Variants in ZNF334 observed in about 807,000 individuals in gnomAD.
ZNF334 encodes the protein zinc finger protein 334.
Under a neutral mutation model 12.4 loss-of-function variants are expected in ZNF334, and 14 were observed. That is an observed-to-expected ratio of 1.13 (90% CI 0.74 to 1.76). ZNF334 has a LOEUF of 1.76. Among genes scored for constraint, ZNF334 ranks in the 40% most tolerant of loss-of-function variants. The probability of loss-of-function intolerance (pLI) is 0.00; values close to 1 mark genes in which losing one functional copy is unlikely to be tolerated. For missense variants in ZNF334, 797 were observed against 804.5 expected, an observed-to-expected ratio of 0.99 and a Z score of 0.11; for synonymous variants, 273 against 269.6, an observed-to-expected ratio of 1.01 and a Z score of -0.12.
At chr20:46,505,240 A>G (rs955473745) in intron 2 of ZNF334, 2 of 152,306 alleles carry the variant, frequency 1.3e-5, no homozygotes, top group Admixed American at 1.3e-4. Flanking sequence ...GAGAACTACA[A>G]TCTCTCCACA....
At chr20:46,473,212 A>AT in the ZNF334 span, among the ~76,000 whole-genome samples, 7 of 152,274 alleles carry the variant, frequency 4.6e-5, no homozygotes, top group African/African-American at 1.7e-4. Flanking sequence ...TCTTCTGTTT[A>AT]TCAGGCTACC....
At chr20:46,470,831 T>A in the ZNF334 span, among the ~76,000 whole-genome samples, 33 of 152,344 alleles carry the variant, frequency 2.2e-4, no homozygotes, top group Non-Finnish European at 4.3e-4. Context: ...AGTATATGAG[T>A]ACACTGCCAT....
At chr20:46,487,959 G>A in the ZNF334 span, among the ~76,000 whole-genome samples, 1 of 152,286 alleles carries the variant, frequency 6.6e-6, no homozygotes, top group Admixed American at 6.5e-5. Flanking sequence ...CTTTTTGGTG[G>A]TAGTAACTGG....
chr20:46,489,423 C>T, the ZNF334 span, among the ~76,000 whole-genome samples: 1 of 152,080 alleles, frequency 6.6e-6, no homozygotes, highest in Non-Finnish European at 1.5e-5. Flanking sequence ...AACCCCACCA[C>T]TTTGGGAGGC....
At position 46,512,116 on chromosome 20, in the gene ZNF334, AG is replaced by A. The variant is rs766154161; in HGVS notation, c.-15del. ...TTTCATTTTCATGTTCTCTTGAGAAAGGGCCAAGAGTGTTGAAAGCAGAGCT... is the reference window on the plus strand; with the variant it reads ...TTTCATTTTCATGTTCTCTTGAGAAAGGCCAAGAGTGTTGAAAGCAGAGCT... On this transcript the variant is annotated 5_prime_UTR_variant, in exon 2 of 5. Transcript: ENST00000692313. 1 of 1,613,700 alleles carries A rather than the reference AG, an allele frequency of 6.2e-7. No homozygotes were observed. The highest frequency in any genetic ancestry group is 8.5e-7 in the Non-Finnish European group (1 of 1,179,674).
chr20:46,464,220 C>T, the ZNF334 span: 91,184 of 531,714 alleles, frequency 0.17, 8,753 homozygotes, highest in African/African-American at 0.28. Flanking sequence ...AATCCCTGCA[C>T]GCCTGGCTGC....
At position 46,501,851 on chromosome 20, in the gene ZNF334, T is replaced by G; in HGVS notation, c.1488A>C (p.Arg496Ser). ...TGCAGTTTGACTTCACAATGGAGATTCTACCACATTTATTAAACACACCAT... is the reference window on the plus strand; with the variant it reads ...TGCAGTTTGACTTCACAATGGAGATGCTACCACATTTATTAAACACACCAT... ...EKHGVFNKCG[R>S]ISIVKSNCSQ... Residue 496 changes from arginine (R) to serine (S), a missense_variant, in exon 5 of 5, where the codon AGA (arginine) becomes AGC (serine). Arg to Ser is a moderately radical substitution (Grantham distance 110). Transcript: ENST00000692313. The G allele has an allele frequency of 6.2e-7, 1 of 1,614,188 alleles. No homozygotes were observed. The highest frequency in any genetic ancestry group is 8.5e-7 in the Non-Finnish European group (1 of 1,180,004).
At chr20:46,508,797 T>C (rs2061533420) in intron 2 of ZNF334, among the ~76,000 whole-genome samples, 1 of 152,258 alleles carries the variant, frequency 6.6e-6, no homozygotes, top group Admixed American at 6.5e-5. Flanking sequence ...ATCTTAAATA[T>C]TCATATAAAC....
At position 46,502,701 on chromosome 20, in the gene ZNF334, T is replaced by G. The variant is rs1568860512; in HGVS notation, c.638A>C (p.Lys213Thr). 2.5e-6 allele frequency: 4 copies of G among 1,613,186 alleles called. No homozygotes were observed. Among genetic ancestry groups the G allele is most frequent in the Non-Finnish European group, 3.4e-6 (4 of 1,179,984 alleles). ...QILKQPFDYN[K>T]CGKTFFKRAI... ...CCTCTTGAAGAAGGTTTTCCCACATTTATTATAGTCAAACGGTTGTTTCAA... is the reference window on the plus strand; with the variant it reads ...CCTCTTGAAGAAGGTTTTCCCACATGTATTATAGTCAAACGGTTGTTTCAA... The change falls in exon 5 of 5, where the codon AAA becomes ACA. Residue 213 changes from lysine to threonine, a missense_variant. Physicochemically the swap from Lys to Thr is moderately conservative, Grantham distance 78. Transcript: ENST00000692313.
chr20:46,466,203 A>G, the ZNF334 span, among the ~76,000 whole-genome samples: 7 of 152,346 alleles, frequency 4.6e-5, no homozygotes, highest in East Asian at 5.8e-4. Context: ...CAGTGGCCAC[A>G]AAAGAAATGA....
In ZNF334 at chr20:46,500,695, G is replaced by GGAA. The variant is rs376797958; in HGVS notation, c.*598_*600dup. 811 of 152,784 alleles carry GGAA rather than the reference G, an allele frequency of 5.3e-3. 3 individuals are homozygous for GGAA. Among genetic ancestry groups the GGAA allele is most frequent in the Non-Finnish European group, 8.0e-3 (549 of 68,376 alleles). 9.5% of individuals were successfully genotyped at this position (152,784 alleles called of 1,614,324 possible). Reference sequence around the variant, plus strand: ...CCTATCTTCCATTAGAAAGGTCTTAGGAAGGGCTTTCACTGGCTCAGCTTT... The same window carrying GGAA: ...CCTATCTTCCATTAGAAAGGTCTTAGGAAGAAGGGCTTTCACTGGCTCAGCTTT... On this transcript the variant is annotated 3_prime_UTR_variant, in exon 5 of 5. Transcript: ENST00000692313.
At chr20:46,488,536 A>T in the ZNF334 span, among the ~76,000 whole-genome samples, 1 of 150,718 alleles carries the variant, frequency 6.6e-6, no homozygotes, top group African/African-American at 2.4e-5. Flanking sequence ...ATTTGTGTTT[A>T]ATCAGTCAAT....
chr20:46,501,655 GGTGA>G lies in ZNF334; in HGVS notation c.1680_1683del (p.His561IlefsTer142), dbSNP rs1380293522. On this transcript the variant is annotated frameshift_variant, in exon 5 of 5. Coordinates refer to ENST00000692313, the MANE Select transcript of ZNF334 (RefSeq NM_001353824.2). LOFTEE classifies it low-confidence loss of function (END_TRUNC). ...CTCTGTCCTGTGTGTGTTCTCTGAT[GGTGA>G]GTCAGGGCTGACTTCCTGCAGTAGG... 1.4e-5 allele frequency: 23 copies of G among 1,614,026 alleles called. No individual in the cohort carries two copies. Among genetic ancestry groups the G allele is most frequent in the Non-Finnish European group, 1.9e-5 (23 of 1,180,004 alleles).
the ZNF334 span, among the ~76,000 whole-genome samples, chr20:46,493,979 T>C: frequency 3.3e-5 from 5 of 152,268 alleles, no homozygotes; most frequent in African/African-American, 1.2e-4. Flanking sequence ...CCCTGAATAG[T>C]TTGCACCATT....
At chr20:46,484,256 CT>C in the ZNF334 span, among the ~76,000 whole-genome samples, 2 of 152,164 alleles carry the variant, frequency 1.3e-5, no homozygotes, top group African/African-American at 4.8e-5. Context: ...TTAGCTGTTA[CT>C]TTATCATAAG....
rs1232592288 is a variant in ZNF334, at chr20:46,499,632, A to C, written c.*1664T>G. The C allele has an allele frequency of 6.6e-6, 1 of 152,202 alleles. No individual in the cohort carries two copies. Among genetic ancestry groups the C allele is most frequent in the Non-Finnish European group, 1.5e-5 (1 of 68,040 alleles). 9.4% of individuals were successfully genotyped at this position (152,202 alleles called of 1,614,324 possible). A position where few individuals can be genotyped will look rare whatever the true frequency, so the allele number is the denominator to read the frequency against. On this transcript the variant is annotated 3_prime_UTR_variant, in exon 5 of 5. Coordinates refer to ENST00000692313, the MANE Select transcript of ZNF334 (RefSeq NM_001353824.2). ...TTTAGACAAATTTGGCACAAAAATT[A>C]GGTATTTTTGTTTTTCTTTACTCTA...
chr20:46,473,120 T>C, the ZNF334 span, among the ~76,000 whole-genome samples: 1 of 152,258 alleles, frequency 6.6e-6, no homozygotes, highest in Non-Finnish European at 1.5e-5. Flanking sequence ...TTTATTGGCA[T>C]AAATTGTTCA....
chr20:46,484,988 T>C, the ZNF334 span: 2 of 167,148 alleles, frequency 1.2e-5, no homozygotes, highest in African/African-American at 4.8e-5. Flanking sequence ...CAAGATCATT[T>C]ATTTTTCTTA....
At chr20:46,485,435 T>TTTTG in the ZNF334 span, 11 of 144,716 alleles carry the variant, frequency 7.6e-5, no homozygotes, top group African/African-American at 2.9e-4. Context: ...AGAAGGTTTT[T>TTTTG]TTTGTTTTTT....
Sources: allele counts gnomAD v4.1 joint callset (sites outside exome capture counted in the v4.1 genomes callset), GRCh38; gene constraint gnomAD v4.1.1; transcripts MANE v1.5; gene names NCBI Gene and HGNC (gene_info 2026-07-23, HGNC 2026-07-21).